Variants in MSRA observed in about 807,000 individuals in gnomAD.
MSRA encodes methionine sulfoxide reductase A, also known as mitochondrial peptide methionine sulfoxide reductase.
A neutral mutation model predicts 31.3 loss-of-function variants in MSRA; 54 were observed. The observed-to-expected ratio is 1.73, with a 90% confidence interval of 1.39 to 2.17. The LOEUF (loss-of-function observed/expected upper bound fraction) is 2.17, where lower values mean the gene tolerates loss of function less well. Ranked by LOEUF, MSRA falls within the 30% of genes most tolerant of loss-of-function variation. The pLI, the probability that MSRA is intolerant of heterozygous loss-of-function variation, is 0.00. For missense variants in MSRA, 507 were observed against 300.9 expected, an observed-to-expected ratio of 1.69 and a Z score of -5.07; for synonymous variants, 169 against 116.5, an observed-to-expected ratio of 1.45 and a Z score of -2.90.
chr8:10,419,134 A>G (rs1459489429), intron 5 of MSRA, among the ~76,000 whole-genome samples: 2 of 151,638 alleles, frequency 1.3e-5, no homozygotes, highest in Non-Finnish European at 2.9e-5. Context: ...AGCCCCCTCC[A>G]CTCCCTCCCG....
At chr8:10,251,868 G>GA (rs386412048) in intron 3 of MSRA, among the ~76,000 whole-genome samples, 9 of 151,884 alleles carry the variant, frequency 5.9e-5, no homozygotes, top group Middle Eastern at 3.4e-3. Flanking sequence ...TGGTGGGGGG[G>GA]GGGGGACATA....
intron 1 of MSRA, among the ~76,000 whole-genome samples, chr8:10,199,300 C>T (rs1483396608): frequency 1.3e-5 from 2 of 152,054 alleles, no homozygotes; most frequent in Non-Finnish European, 2.9e-5. Context: ...CCGGTAGGCT[C>T]ACTCTAGGCT....
At chr8:10,179,486 AG>A (rs2129049353) in intron 1 of MSRA, among the ~76,000 whole-genome samples, 1 of 152,330 alleles carries the variant, frequency 6.6e-6, no homozygotes, top group South Asian at 2.1e-4. Context: ...TCTGAACAGA[AG>A]GGTTTTTGTC....
At chr8:10,313,821 G>T (rs1237929048) in intron 4 of MSRA, among the ~76,000 whole-genome samples, 2 of 152,216 alleles carry the variant, frequency 1.3e-5, no homozygotes, top group Admixed American at 1.3e-4. Context: ...TTGTGTATCT[G>T]ATGTAGGGAC....
intron 1 of MSRA, among the ~76,000 whole-genome samples, chr8:10,123,862 T>G (rs1328811770): frequency 3.3e-5 from 5 of 152,058 alleles, no homozygotes; most frequent in Admixed American, 3.3e-4. Flanking sequence ...CTATGCTTTT[T>G]TTTTTCTTTC....
intron 1 of MSRA, among the ~76,000 whole-genome samples, chr8:10,161,825 C>G (rs1280415945): frequency 6.7e-6 from 1 of 150,096 alleles, no homozygotes; most frequent in South Asian, 2.1e-4. Flanking sequence ...GTGAATCCCG[C>G]CCCGCCCCTG....
At chr8:10,194,359 G>A (rs1199846094) in intron 1 of MSRA, among the ~76,000 whole-genome samples, 1 of 152,190 alleles carries the variant, frequency 6.6e-6, no homozygotes, top group Admixed American at 6.5e-5. Context: ...TTGAGGTCAG[G>A]AGTTTGAGGC....
At chr8:10,065,983 A>ATG (rs1797435703) in intron 1 of MSRA, among the ~76,000 whole-genome samples, 1 of 148,650 alleles carries the variant, frequency 6.7e-6, no homozygotes, top group South Asian at 2.1e-4. Context: ...TTATATATAT[A>ATG]AAATATATAA....
Position 10,279,911 on chromosome 8 carries a change from C to A in MSRA, c.332-21623C>A, listed in dbSNP as rs78117181. 9.4e-3 allele frequency among the ~76,000 whole-genome samples: 1,424 copies of A among 152,270 alleles called. 19 individuals are homozygous for A. The highest frequency in any genetic ancestry group is 0.033 in the African/African-American group (1,376 of 41,544). On this transcript the variant is annotated intron_variant, in intron 3 of 5. Transcript: ENST00000317173. ...TCAGTGTGCATTAAATGTGGCAAAT[C>A]TGTTTCTTGGATATTCTGTTGAATT...
intron 5 of MSRA, among the ~76,000 whole-genome samples, chr8:10,366,606 G>A (rs1024675294): frequency 2.0e-5 from 3 of 152,220 alleles, no homozygotes; most frequent in Non-Finnish European, 4.4e-5. Flanking sequence ...CCCTTTGGAA[G>A]CGTTCTCTCA....
intron 1 of MSRA, among the ~76,000 whole-genome samples, chr8:10,206,719 A>G (rs987479314): frequency 6.6e-6 from 1 of 152,236 alleles, no homozygotes; most frequent in Non-Finnish European, 1.5e-5. Context: ...GCCTTCTGGC[A>G]GCACATCTGA....
chr8:10,411,628 C>T lies in MSRA; in HGVS notation c.544-16520C>T, dbSNP rs1305771319. The T allele has an allele frequency of 2.0e-5, 3 of 152,214 alleles. No homozygotes were observed. In the South Asian group the frequency reaches 6.2e-4, roughly 31 times the overall value. The allele number at this position is 152,214 out of a possible 1,614,324, so 9.4% of individuals were successfully genotyped here. On this transcript the variant is annotated intron_variant, in intron 5 of 5. Transcript: ENST00000317173. The stretch of plus-strand genomic sequence containing the variant: ...CCTGTTTGCAGCTGACAGATGTAAC[C>T]TGCCCTAGGGCAAGAGAAAGTCTCA...
intron 2 of MSRA, among the ~76,000 whole-genome samples, chr8:10,229,794 T>A (rs1811310884): frequency 6.6e-6 from 1 of 152,194 alleles, no homozygotes; most frequent in African/African-American, 2.4e-5. Flanking sequence ...ATATGCCCCA[T>A]TCAACACTTC....
intron 1 of MSRA, chr8:10,095,430 C>T: frequency 3.1e-6 from 3 of 978,678 alleles, no homozygotes; most frequent in Non-Finnish European, 3.6e-6. Context: ...CCACGGTTTC[C>T]TGTTTTCAAA....
chr8:10,304,717 C>T (rs534961267), intron 4 of MSRA, among the ~76,000 whole-genome samples: 56 of 152,246 alleles, frequency 3.7e-4, no homozygotes, highest in Non-Finnish European at 4.4e-5. Flanking sequence ...CAACCTGTCA[C>T]GTTTCACAGT....
At chr8:10,397,482 G>A (rs1435343940) in intron 5 of MSRA, among the ~76,000 whole-genome samples, 3 of 152,218 alleles carry the variant, frequency 2.0e-5, no homozygotes, top group Non-Finnish European at 4.4e-5. Context: ...TCTGGGGTAT[G>A]AGCCTTGCAG....
At chr8:10,134,077 C>G (rs1354301689) in intron 1 of MSRA, among the ~76,000 whole-genome samples, 1 of 152,136 alleles carries the variant, frequency 6.6e-6, no homozygotes, top group Non-Finnish European at 1.5e-5. Context: ...GGCGATCTGC[C>G]CACCTCAGCC....
intron 5 of MSRA, among the ~76,000 whole-genome samples, chr8:10,342,808 T>A (rs185313570): frequency 6.6e-6 from 1 of 152,358 alleles, no homozygotes; most frequent in Non-Finnish European, 1.5e-5. Context: ...TGCATCCCAG[T>A]TGAGTGACTT....
intron 2 of MSRA, among the ~76,000 whole-genome samples, chr8:10,242,325 A>G (rs537477826): frequency 7.9e-5 from 12 of 152,130 alleles, no homozygotes; most frequent in African/African-American, 1.4e-4. Context: ...GAGCAAGACT[A>G]TAATGTCAGG....
Sources: gnomAD v4.1 joint callset for allele counts (sites outside exome capture counted in the v4.1 genomes callset) on GRCh38, gnomAD v4.1.1 for gene constraint, MANE v1.5 for transcripts, NCBI Gene and HGNC (gene_info 2026-07-23, HGNC 2026-07-21) for gene names.